Variants in ROR1 observed in about 807,000 individuals in gnomAD.
ROR1 encodes the protein ROR family WNT receptor 1.
Under a neutral mutation model 78.8 loss-of-function variants are expected in ROR1, and 19 were observed. That is an observed-to-expected ratio of 0.24 (90% CI 0.17 to 0.35). The LOEUF (loss-of-function observed/expected upper bound fraction) is 0.35, where lower values mean the gene tolerates loss of function less well. Ranked by LOEUF, ROR1 falls within the 10% of genes least tolerant of loss-of-function variation. The pLI is 1.00. For synonymous variants in ROR1, 386 were observed against 433.6 expected, an observed-to-expected ratio of 0.89 and a Z score of 1.36; for missense variants, 917 against 1,177.8, an observed-to-expected ratio of 0.78 and a Z score of 3.24.
chr1:64,009,571 T>TC (rs150540010), intron 2 of ROR1, among the ~76,000 whole-genome samples, 195 bp downstream of exon 2: 4,369 of 152,142 alleles, frequency 0.029, 243 homozygotes, highest in African/African-American at 0.1. Flanking sequence ...AGAGTTTCTT[T>TC]CCCCCCCTCG....
chr1:64,063,121 A>T (rs1311881904), intron 4 of ROR1, among the ~76,000 whole-genome samples: 1 of 152,216 alleles, frequency 6.6e-6, no homozygotes, highest in African/African-American at 2.4e-5. Context: ...AATTGTGGAG[A>T]CATGATCAGG....
intron 1 of ROR1, among the ~76,000 whole-genome samples, chr1:63,823,022 C>G (rs1644932124): frequency 6.7e-6 from 1 of 150,162 alleles, no homozygotes; most frequent in African/African-American, 2.5e-5. Context: ...CATGTATTGT[C>G]ATTTAAAAAA....
chr1:63,838,451 T>A (rs1220017674), intron 1 of ROR1, among the ~76,000 whole-genome samples: 1 of 152,094 alleles, frequency 6.6e-6, no homozygotes, highest in Non-Finnish European at 1.5e-5. Context: ...TGTGTAGGCC[T>A]AGGCTAATGT....
At chr1:63,933,448 A>G (rs1041650158) in intron 1 of ROR1, among the ~76,000 whole-genome samples, 3 of 152,170 alleles carry the variant, frequency 2.0e-5, no homozygotes, top group Admixed American at 1.3e-4. Flanking sequence ...GAAACCCTCA[A>G]TCAAATGTCT....
intron 1 of ROR1, among the ~76,000 whole-genome samples, chr1:63,793,974 A>G (rs1185505516): frequency 1.3e-5 from 2 of 152,146 alleles, no homozygotes; most frequent in Non-Finnish European, 2.9e-5. Flanking sequence ...GTGTGCACCT[A>G]GGATTAGATA....
intron 1 of ROR1, among the ~76,000 whole-genome samples, chr1:63,834,242 A>C (rs1645006642): frequency 6.6e-6 from 1 of 151,354 alleles, no homozygotes; most frequent in Non-Finnish European, 1.5e-5. Context: ...AGATATTTAA[A>C]GTGGGTTACT....
intron 1 of ROR1, among the ~76,000 whole-genome samples, chr1:63,912,750 G>C (rs1436850629): frequency 6.6e-6 from 1 of 152,140 alleles, no homozygotes; most frequent in African/African-American, 2.4e-5. Context: ...AATGATACGG[G>C]CTGTTCTCAT....
intron 1 of ROR1, among the ~76,000 whole-genome samples, chr1:63,776,280 C>G (rs1445039376): frequency 1.3e-5 from 2 of 152,178 alleles, no homozygotes; most frequent in African/African-American, 2.4e-5. Context: ...CTGTAAACAC[C>G]CTTCTTATCA....
intron 1 of ROR1, among the ~76,000 whole-genome samples, chr1:63,979,283 C>T (rs1333329525): frequency 6.6e-6 from 1 of 151,966 alleles, no homozygotes; most frequent in Non-Finnish European, 1.5e-5. Flanking sequence ...AAATAAACTT[C>T]CAAAGAAGAA....
chr1:63,918,908 A>G (rs17359018), intron 1 of ROR1, among the ~76,000 whole-genome samples: 2,738 of 152,336 alleles, frequency 0.018, 49 homozygotes, highest in South Asian at 0.06. Flanking sequence ...AGCATGAGGA[A>G]ATACCTTTAA....
intron 1 of ROR1, among the ~76,000 whole-genome samples, chr1:64,006,999 C>T (rs1646433101): frequency 6.6e-6 from 1 of 151,832 alleles, no homozygotes. Context: ...ATGTGCTTAT[C>T]TCTGTGAAAA....
intron 1 of ROR1, among the ~76,000 whole-genome samples, chr1:63,810,185 T>C (rs1218626453): frequency 1.3e-5 from 2 of 152,216 alleles, no homozygotes; most frequent in African/African-American, 4.8e-5. Context: ...TGGGAAATTA[T>C]CGGCAAATGA....
intron 4 of ROR1, among the ~76,000 whole-genome samples, chr1:64,055,675 A>G (rs1646867916): frequency 6.6e-6 from 1 of 152,238 alleles, no homozygotes; most frequent in Non-Finnish European, 1.5e-5. Context: ...ATGTAGGCCC[A>G]GGGCCAGGAC....
At chr1:64,164,383 T>C (rs1383715697) in intron 8 of ROR1, among the ~76,000 whole-genome samples, 1 of 152,228 alleles carries the variant, frequency 6.6e-6, no homozygotes, top group East Asian at 1.9e-4. Context: ...CAAAGAGATA[T>C]GATTACAAAT....
chr1:63,791,350 C>A lies in ROR1; in HGVS notation c.91+16842C>A, dbSNP rs192032783. 2.2e-3 allele frequency among the ~76,000 whole-genome samples: 328 copies of A among 151,888 alleles called. 1 individual carries two copies. Among genetic ancestry groups the A allele is most frequent in the African/African-American group, 7.6e-3 (315 of 41,404 alleles). On this transcript the variant is annotated intron_variant, in intron 1 of 8. Coordinates refer to ENST00000371079, the MANE Select transcript of ROR1 (RefSeq NM_005012.4). Reference sequence around the variant, plus strand: ...AGGAAAGGTGACTCAGGGGAGTCACCTTTTTTTCACTGGAAAAAAATATGT... The same window carrying A: ...AGGAAAGGTGACTCAGGGGAGTCACATTTTTTTCACTGGAAAAAAATATGT...
intron 1 of ROR1, among the ~76,000 whole-genome samples, chr1:63,945,144 G>A (rs892571902): frequency 1.3e-5 from 2 of 152,120 alleles, no homozygotes; most frequent in Admixed American, 1.3e-4. Context: ...AGGTTAAAAC[G>A]ACCCACATTA....
At chr1:64,082,911 G>A (rs900694795) in intron 4 of ROR1, among the ~76,000 whole-genome samples, 1 of 152,116 alleles carries the variant, frequency 6.6e-6, no homozygotes, top group East Asian at 1.9e-4. Context: ...TAAATCTCTT[G>A]CACTTTGAAT....
chr1:63,874,635 C>T (rs1032853006), intron 1 of ROR1, among the ~76,000 whole-genome samples: 2 of 152,094 alleles, frequency 1.3e-5, no homozygotes, highest in African/African-American at 4.8e-5. Flanking sequence ...CCATTTGACA[C>T]CTACAGGCCA....
At chr1:64,137,342 C>CTAA (rs760496777) in intron 4 of ROR1, 27 bp from the exon 5 acceptor site, 37 of 1,613,044 alleles carry the variant, frequency 2.3e-5, no homozygotes, top group South Asian at 4.4e-5. Flanking sequence ...GGTGCATCAG[C>CTAA]TAATGTCTGT....
Sources: allele counts gnomAD v4.1 joint callset (sites outside exome capture counted in the v4.1 genomes callset), GRCh38; gene constraint gnomAD v4.1.1; transcripts MANE v1.5; gene names NCBI Gene and HGNC (gene_info 2026-07-23, HGNC 2026-07-21).